Variants in STAG3 observed in about 807,000 individuals in gnomAD.
The protein encoded by STAG3 is cohesin subunit SA-3.
In STAG3, 101 loss-of-function variants were observed where a neutral mutation model predicts 160.7. That is an observed-to-expected ratio of 0.63 (90% CI 0.54 to 0.74). The LOEUF is 0.74. Among genes scored for constraint, STAG3 ranks in the 30% least tolerant of loss-of-function variants. The probability of loss-of-function intolerance (pLI) is 0.00; values close to 1 mark genes in which losing one functional copy is unlikely to be tolerated. For missense variants in STAG3, 1,188 were observed against 1,517.4 expected, an observed-to-expected ratio of 0.78 and a Z score of 3.61; for synonymous variants, 519 against 585.0, an observed-to-expected ratio of 0.89 and a Z score of 1.63.
intron 16 of STAG3, 30 bp downstream of exon 16, chr7:100,199,674 A>G: frequency 1.3e-6 from 2 of 1,495,614 alleles, no homozygotes; most frequent in Non-Finnish European, 1.8e-6. Flanking sequence ...TGGGTAGGTC[A>G]GCAATACTCA....
intron 32 of STAG3, chr7:100,212,668 A>G (rs1415860707): frequency 6.6e-6 from 1 of 152,166 alleles, no homozygotes; most frequent in African/African-American, 2.4e-5. Flanking sequence ...CATGTTGGCC[A>G]GGCTAATCTC....
chr7:100,202,723 C>T, intron 25 of STAG3, 133 bp downstream of exon 25: 1 of 1,160,754 alleles, frequency 8.6e-7, no homozygotes, highest in South Asian at 1.8e-5. Context: ...GAGGGAAAGG[C>T]ACTGGGAGTT....
At position 100,211,077 on chromosome 7, in the gene STAG3, T is replaced by TTCCCCCCCCCCC; in HGVS notation, c.3305_3306insTCCCCCCCCCCC (p.Pro1104_Thr1105insProProProPro). 1 of 1,600,808 alleles carries TTCCCCCCCCCCC rather than the reference T, an allele frequency of 6.2e-7. No individual in the cohort carries two copies. The highest frequency in any genetic ancestry group is 8.6e-7 in the Non-Finnish European group (1 of 1,168,826). On this transcript the variant is annotated inframe_insertion, in exon 30 of 34. Transcript: ENST00000615138. ...GAAGAAAGTCTGCAGCTGAACAGCATCCCGCCCACGCCCACCCTCACCTCC... is the reference window on the plus strand; with the variant it reads ...GAAGAAAGTCTGCAGCTGAACAGCATTCCCCCCCCCCCCCCGCCCACGCCCACCCTCACCTCC...
At chr7:100,198,634 C>T (rs1800849437) in intron 13 of STAG3, 52 bp downstream of exon 13, 4 of 1,535,124 alleles carry the variant, frequency 2.6e-6, no homozygotes, top group African/African-American at 2.7e-5. Flanking sequence ...CGGTTTCTCT[C>T]CTCCATCTGC....
At chr7:100,178,224 T>C (rs566187464) in intron 1 of STAG3, among the ~76,000 whole-genome samples, 1 of 152,290 alleles carries the variant, frequency 6.6e-6, no homozygotes, top group African/African-American at 2.4e-5. Flanking sequence ...CTTGGAAGGC[T>C]CTTTATCCTG....
Position 100,192,638 on chromosome 7 carries a change from C to T in STAG3, c.868-2671C>T, listed in dbSNP as rs533200819. Among the ~76,000 whole-genome samples the T allele has an allele frequency of 3.9e-5, 6 of 152,270 alleles. No homozygotes were observed. In the South Asian group the frequency reaches 8.3e-4, roughly 21 times the overall value. ...CAGGGTCTCGCTCTGTTGCCTAGAC[C>T]GGAATGTACTGGTGCAGTCATGGCT... On this transcript the variant is annotated intron_variant, in intron 8 of 33. Coordinates refer to ENST00000615138, the MANE Select transcript of STAG3 (RefSeq NM_001282717.2).
chr7:100,211,734 G>C, intron 31 of STAG3, 61 bp from the exon 32 acceptor site: 1 of 1,580,796 alleles, frequency 6.3e-7, no homozygotes, highest in South Asian at 1.1e-5. Flanking sequence ...GGGTGTCTGA[G>C]AAACTCTCAG....
At position 100,214,006 on chromosome 7, in the gene STAG3, G is replaced by A; in HGVS notation, c.3673-1G>A. On this transcript the variant is annotated splice_acceptor_variant, in intron 33 of 33. Transcript: ENST00000615138. LOFTEE classifies it high-confidence loss of function. ...TATTCCTTTCATCTTTCTCATTATA[G>A]GATTTCTGACAGGACTCTGGGCCCC... is the stretch of plus-strand genomic sequence containing the variant. The A allele has an allele frequency of 6.2e-7, 1 of 1,614,116 alleles. No individual in the cohort carries two copies. Among genetic ancestry groups the A allele is most frequent in the Non-Finnish European group, 8.5e-7 (1 of 1,180,014 alleles).
At chr7:100,208,094 C>T (rs543147232) in intron 29 of STAG3, among the ~76,000 whole-genome samples, 20 of 150,296 alleles carry the variant, frequency 1.3e-4, no homozygotes, top group African/African-American at 3.4e-4. Flanking sequence ...CCAACCTGGG[C>T]GAAAGAGCGA....
rs200453182 is a variant in STAG3 at position 100,204,052 on chromosome 7, A to T, written c.2732A>T (p.Glu911Val). 3.0e-5 allele frequency: 49 copies of T among 1,614,042 alleles called. No individual in the cohort carries two copies. In the Admixed American group the frequency reaches 5.0e-4, roughly 16 times the overall value. ...AATGACTATGGTGACATTATCAAGG[A>T]AACATTAACTAGAGCAAGGCAGATT... ...FYNDYGDIIK[E>V]TLTRARQIDR... The change falls in exon 26 of 34, where the codon GAA becomes GTA. Residue 911 changes from glutamate to valine, a missense_variant. This residue lies in a region of STAG3 where 647 missense variants were observed against 717.2 expected (regional missense o/e 0.90). Transcript: ENST00000615138.
At position 100,202,444 on chromosome 7, in the gene STAG3, T is replaced by C. The variant is rs773804705; in HGVS notation, c.2564-10T>C. ...GTCTGTGATTCCCTTTTGCCTTCCA[T>C]GTGAGCCAGGTGATTCCCAGGAGGA... is the stretch of plus-strand genomic sequence containing the variant. On this transcript the variant is annotated splice_polypyrimidine_tract_variant and intron_variant, in intron 24 of 33. Transcript: ENST00000615138. 3.7e-6 allele frequency: 6 copies of C among 1,612,394 alleles called. No homozygotes were observed. Among genetic ancestry groups the C allele is most frequent in the Non-Finnish European group, 5.1e-6 (6 of 1,178,648 alleles).
chr7:100,207,885 G>A lies in STAG3; in HGVS notation c.3238+2501G>A, dbSNP rs538042795. On this transcript the variant is annotated intron_variant, in intron 29 of 33. Transcript: ENST00000615138. The surrounding 1 kb of genome is among the most constrained non-coding windows in gnomAD (Gnocchi z 4.0). ...TAATCCCAGCACTTTGGGAGGCCGA[G>A]GCGGGCGGATCACGAGGTCAGGAGA... is the stretch of plus-strand genomic sequence containing the variant. 6.6e-6 allele frequency among the ~76,000 whole-genome samples: 1 copy of A among 152,310 alleles called. No individual in the cohort carries two copies. The highest frequency in any genetic ancestry group is 1.5e-5 in the Non-Finnish European group (1 of 68,018).
intron 4 of STAG3, among the ~76,000 whole-genome samples, chr7:100,184,496 TCTTGTTCTGTC>T (rs1467296274): frequency 1.9e-5 from 2 of 105,308 alleles, no homozygotes; most frequent in Non-Finnish European, 3.6e-5. Context: ...TGAGACGGAG[TCTTGTTCTGTC>T]GCCAGGCTGG....
intron 29 of STAG3, among the ~76,000 whole-genome samples, chr7:100,210,164 G>C (rs1306530483): frequency 6.6e-6 from 1 of 152,180 alleles, no homozygotes; most frequent in Non-Finnish European, 1.5e-5. Flanking sequence ...ACACATCTGG[G>C]GCCCCAAGGT....
chr7:100,183,684 A>T (rs1380126472), intron 4 of STAG3, among the ~76,000 whole-genome samples: 1 of 152,184 alleles, frequency 6.6e-6, no homozygotes, highest in Non-Finnish European at 1.5e-5. Context: ...TCTCCTTATT[A>T]CCCACAGGTA....
intron 15 of STAG3, 83 bp downstream of exon 15, chr7:100,199,450 A>G: frequency 3.2e-6 from 5 of 1,549,656 alleles, no homozygotes; most frequent in Non-Finnish European, 4.4e-6. Flanking sequence ...CACTTGTACA[A>G]GGCAGCAACG....
At chr7:100,218,226 CTA>C (rs1329596976), downstream of STAG3, 1 of 161,584 alleles carries the variant, frequency 6.2e-6, no homozygotes, top group African/African-American at 2.4e-5. Flanking sequence ...CCTTCAGCTC[CTA>C]TCTCTGTATG....
intron 32 of STAG3, chr7:100,213,193 CAT>C: frequency 2.0e-6 from 1 of 490,674 alleles, no homozygotes; most frequent in Non-Finnish European, 2.7e-6. Context: ...TTCATCCATC[CAT>C]GAGGGCTGCA....
chr7:100,200,054 AGACT>A, intron 16 of STAG3, 178 bp from the exon 17 acceptor site: 1 of 547,040 alleles, frequency 1.8e-6, no homozygotes, highest in South Asian at 2.4e-5. Context: ...TGACAGAGCG[AGACT>A]CCGTCTCAAA....
Sources: allele counts gnomAD v4.1 joint callset (sites outside exome capture counted in the v4.1 genomes callset), GRCh38; gene constraint gnomAD v4.1.1; regional missense constraint gnomAD v4.1.1; non-coding constraint Gnocchi (gnomAD v3.1); transcripts MANE v1.5; gene names NCBI Gene and HGNC (gene_info 2026-07-23, HGNC 2026-07-21).